Variants in RBFOX2 observed in about 807,000 individuals in gnomAD.
The protein encoded by RBFOX2 is RNA binding protein fox-1 homolog 2.
RBFOX2 carries 10 observed loss-of-function variants against 49.1 expected under a neutral mutation model. The ratio of observed to expected loss-of-function variants is 0.20; its 90% confidence interval spans 0.13 to 0.35. The LOEUF (loss-of-function observed/expected upper bound fraction) is 0.35. Ranked by LOEUF, RBFOX2 falls within the 10% of genes least tolerant of loss-of-function variation. The probability of loss-of-function intolerance (pLI) is 1.00; values close to 1 mark genes in which losing one functional copy is unlikely to be tolerated. For synonymous variants in RBFOX2, 183 were observed against 187.4 expected, an observed-to-expected ratio of 0.98 and a Z score of 0.19; for missense variants, 323 against 486.9, an observed-to-expected ratio of 0.66 and a Z score of 3.17.
chr22:35,765,561 A>C (rs1940680518), intron 5 of RBFOX2, 78 bp from the exon 7 acceptor site: 3 of 742,242 alleles, frequency 4.0e-6, no homozygotes, highest in Non-Finnish European at 6.5e-6. Flanking sequence ...ATCCAATAAC[A>C]GAGTATTTAG....
At chr22:35,775,823 C>T (rs147449190) in intron 4 of RBFOX2, among the ~76,000 whole-genome samples, 1 of 113,788 alleles carries the variant, frequency 8.8e-6, no homozygotes, top group East Asian at 2.5e-4. Context: ...GCCTGGGCAA[C>T]AGAGCGAGAA....
At position 35,749,607 on chromosome 22, in the gene RBFOX2, A is replaced by G. The variant is rs940530868; in HGVS notation, c.888-3046T>C. On this transcript the variant is annotated intron_variant, in intron 9 of 11. Coordinates refer to ENST00000405409, the Ensembl canonical transcript of RBFOX2. This position sits in a 1 kb window ranked among gnomAD's most constrained non-coding sequence, Gnocchi z 4.1. ...ACAAAATGTGAGAAAAAGAAAATTC[A>G]GATATATTTATTTCTATTCCAGATT... Among the ~76,000 whole-genome samples, 5 of 152,198 alleles carry G rather than the reference A, an allele frequency of 3.3e-5. No homozygotes were observed. Among genetic ancestry groups the G allele is most frequent in the African/African-American group, 1.2e-4 (5 of 41,448 alleles).
At chr22:35,963,400 G>A (rs1207474815), upstream of RBFOX2, among the ~76,000 whole-genome samples, 1 of 152,110 alleles carries the variant, frequency 6.6e-6, no homozygotes, top group African/African-American at 2.4e-5. Flanking sequence ...TGGACACCAT[G>A]GTTCCACTGG....
intron 9 of RBFOX2, among the ~76,000 whole-genome samples, chr22:35,755,628 G>A (rs1936642135): frequency 6.6e-6 from 1 of 152,182 alleles, no homozygotes; most frequent in Non-Finnish European, 1.5e-5. Context: ...AGTTCAGAAA[G>A]CTTATTAACC....
intron 1 of RBFOX2, among the ~76,000 whole-genome samples, chr22:35,835,799 T>C (rs924008517): frequency 1.3e-5 from 2 of 152,212 alleles, no homozygotes; most frequent in African/African-American, 4.8e-5. Context: ...AAATTCTGTT[T>C]ATCTTTTCAA....
chr22:35,926,347 T>C (rs536834117), intron 1 of RBFOX2, among the ~76,000 whole-genome samples: 4 of 152,324 alleles, frequency 2.6e-5, no homozygotes, highest in Admixed American at 6.5e-5. Flanking sequence ...ATTTTGAAAA[T>C]TGCTAATGGA....
chr22:35,870,857 C>T (rs2044277237), intron 1 of RBFOX2, among the ~76,000 whole-genome samples: 2 of 152,142 alleles, frequency 1.3e-5, no homozygotes, highest in South Asian at 2.1e-4. Context: ...AACATGACTA[C>T]ACATGACATG....
At chr22:36,028,550 G>T in exon 1 of RBFOX2, 1 of 900,628 alleles carries the variant, frequency 1.1e-6, no homozygotes, top group Non-Finnish European at 1.3e-6. Context: ...GTGCGTGCGT[G>T]CGTGCGCGCG....
intron 2 of RBFOX2, among the ~76,000 whole-genome samples, chr22:35,789,675 T>A (rs1254946034): frequency 6.6e-6 from 1 of 152,164 alleles, no homozygotes; most frequent in Non-Finnish European, 1.5e-5. Flanking sequence ...TCAACCCCCA[T>A]CCCCCAAACT....
chr22:35,847,276 C>T (rs2041339644), intron 1 of RBFOX2, among the ~76,000 whole-genome samples: 1 of 152,138 alleles, frequency 6.6e-6, no homozygotes, highest in African/African-American at 2.4e-5. Flanking sequence ...GGTCAAGTAC[C>T]TAAAATATTT....
chr22:35,880,330 CTG>C (rs1366394181), intron 1 of RBFOX2, among the ~76,000 whole-genome samples: 1 of 152,078 alleles, frequency 6.6e-6, no homozygotes. Context: ...AAGAAGAAAA[CTG>C]TGGGTTTAGC....
At chr22:35,895,869 C>T (rs1390347088) in intron 1 of RBFOX2, among the ~76,000 whole-genome samples, 1 of 152,134 alleles carries the variant, frequency 6.6e-6, no homozygotes, top group African/African-American at 2.4e-5. Context: ...TTCCTGGTGA[C>T]CATGTTTTCT....
At chr22:36,028,425 T>A in exon 1 of RBFOX2, 1 of 1,214,780 alleles carries the variant, frequency 8.2e-7, no homozygotes, top group Non-Finnish European at 1.0e-6. Flanking sequence ...CCCTCCGCCA[T>A]CCGCCCGCGC....
intron 2 of RBFOX2, among the ~76,000 whole-genome samples, chr22:35,784,962 C>G (rs1394352523): frequency 6.6e-6 from 1 of 152,148 alleles, no homozygotes; most frequent in Non-Finnish European, 1.5e-5. Context: ...AGGCCTCTTG[C>G]AAAGGGTGGA....
chr22:35,858,643 C>T (rs943619036), intron 1 of RBFOX2, among the ~76,000 whole-genome samples: 22 of 151,684 alleles, frequency 1.5e-4, no homozygotes, highest in Admixed American at 4.6e-4. Context: ...CTGGCCAACA[C>T]GGTGAAACCC....
intron 1 of RBFOX2, among the ~76,000 whole-genome samples, chr22:35,975,672 T>C (rs2057110424): frequency 6.6e-6 from 1 of 152,194 alleles, no homozygotes; most frequent in African/African-American, 2.4e-5. Flanking sequence ...TATGATCTTT[T>C]ATTGTCTTTA....
chr22:35,825,673 G>A (rs1955510378), intron 1 of RBFOX2, among the ~76,000 whole-genome samples: 1 of 152,058 alleles, frequency 6.6e-6, no homozygotes, highest in Non-Finnish European at 1.5e-5. Context: ...TACCTAAAAG[G>A]GTACCTACAA....
chr22:35,906,792 CCAA>C (rs1431924300), intron 1 of RBFOX2, among the ~76,000 whole-genome samples: 1 of 152,034 alleles, frequency 6.6e-6, no homozygotes, highest in African/African-American at 2.4e-5. Context: ...CCCAGCCTGG[CCAA>C]CAGAGCAAGA....
chr22:35,803,646 C>T (rs1406342292), intron 2 of RBFOX2, among the ~76,000 whole-genome samples: 2 of 152,028 alleles, frequency 1.3e-5, no homozygotes, highest in African/African-American at 2.4e-5. Context: ...CTCTGCACTC[C>T]AGCCTGGGTG....
Sources: allele counts gnomAD v4.1 joint callset (sites outside exome capture counted in the v4.1 genomes callset), GRCh38; gene constraint gnomAD v4.1.1; non-coding constraint Gnocchi (gnomAD v3.1); transcripts MANE v1.5; gene names NCBI Gene and HGNC (gene_info 2026-07-23, HGNC 2026-07-21).